The following KCNH5 variants were observed in gnomAD, a reference collection of about 807,000 sequenced individuals.
KCNH5 encodes potassium voltage-gated channel subfamily H member 5.
Under a neutral mutation model 96.1 loss-of-function variants are expected in KCNH5, and 46 were observed. The ratio of observed to expected loss-of-function variants is 0.48; its 90% confidence interval spans 0.38 to 0.61. KCNH5 has a LOEUF of 0.61. Ranked by LOEUF, KCNH5 falls within the 20% of genes least tolerant of loss-of-function variation. The probability of loss-of-function intolerance (pLI) is 0.00; values close to 1 mark genes in which losing one functional copy is unlikely to be tolerated. For synonymous variants in KCNH5, 439 were observed against 449.8 expected (o/e 0.98, Z 0.30); for missense variants, 907 against 1,225.8 (o/e 0.74, Z 3.88).
At chr14:62,735,147 A>G (rs917634850) in intron 10 of KCNH5, among the ~76,000 whole-genome samples, 2 of 152,192 alleles carry the variant, frequency 1.3e-5, no homozygotes, top group Non-Finnish European at 2.9e-5. Context: ...CTTGCAGGAA[A>G]TAAAGCTTAA....
intron 7 of KCNH5, among the ~76,000 whole-genome samples, chr14:62,878,028 A>C (rs1888412114): frequency 6.6e-6 from 1 of 151,998 alleles, no homozygotes; most frequent in Admixed American, 6.6e-5. Context: ...AAAAATGATG[A>C]GTTCATGTCC....
At chr14:62,768,109 T>C (rs1488761754) in intron 10 of KCNH5, among the ~76,000 whole-genome samples, 1 of 152,108 alleles carries the variant, frequency 6.6e-6, no homozygotes, top group African/African-American at 2.4e-5. Flanking sequence ...ACGATCACAA[T>C]GTATATTACT....
chr14:62,728,447 C>A (rs1315309170), intron 10 of KCNH5, among the ~76,000 whole-genome samples: 1 of 151,066 alleles, frequency 6.6e-6, no homozygotes, highest in Non-Finnish European at 1.5e-5. Context: ...ACCTCAGAGG[C>A]TATGTTCTGG....
chr14:62,710,900 C>T (rs1884553309), intron 10 of KCNH5, among the ~76,000 whole-genome samples: 1 of 152,128 alleles, frequency 6.6e-6, no homozygotes, highest in South Asian at 2.1e-4. Flanking sequence ...TTTAATTTTA[C>T]CTGGGAGTCC....
intron 7 of KCNH5, among the ~76,000 whole-genome samples, chr14:62,911,672 A>G (rs1889157436): frequency 6.6e-6 from 1 of 152,098 alleles, no homozygotes; most frequent in Non-Finnish European, 1.5e-5. Flanking sequence ...TTTTGTATAT[A>G]AGAAAAAAAC....
intron 7 of KCNH5, among the ~76,000 whole-genome samples, chr14:62,853,103 C>A (rs1887840444): frequency 6.6e-6 from 1 of 152,160 alleles, no homozygotes; most frequent in Admixed American, 6.5e-5. Context: ...TCAAAAACCT[C>A]AAAGTTATTC....
intron 5 of KCNH5, among the ~76,000 whole-genome samples, chr14:62,986,791 T>C (rs910238666): frequency 6.6e-6 from 1 of 152,190 alleles, no homozygotes; most frequent in Non-Finnish European, 1.5e-5. Context: ...GTTTGCTGCA[T>C]ATATGCATGA....
chr14:62,759,694 T>G (rs1204385012), intron 10 of KCNH5, among the ~76,000 whole-genome samples: 1 of 152,110 alleles, frequency 6.6e-6, no homozygotes, highest in Non-Finnish European at 1.5e-5. Flanking sequence ...TCATCACCAC[T>G]GTTACCAACC....
intron 10 of KCNH5, among the ~76,000 whole-genome samples, chr14:62,758,984 C>T (rs905548219): frequency 2.0e-5 from 3 of 152,172 alleles, no homozygotes; most frequent in African/African-American, 4.8e-5. Flanking sequence ...AGTTCTCTTC[C>T]ATTTGTTTAA....
chr14:63,038,141 A>G lies in KCNH5; in HGVS notation c.73+6973T>C, dbSNP rs112460529. On this transcript the variant is annotated intron_variant, in intron 1 of 10. Transcript: ENST00000322893. ...TGCATTGATTAACTAAATAGTTTAA[A>G]CTATGTAATTACTTATTCAAGCTCA... Among the ~76,000 whole-genome samples, 283 of 152,344 alleles carry G rather than the reference A, an allele frequency of 1.9e-3. 2 individuals carry two copies. Among genetic ancestry groups the G allele is most frequent in the African/African-American group, 6.6e-3 (274 of 41,582 alleles).
chr14:63,028,218 G>GC (rs1891561082), intron 1 of KCNH5, among the ~76,000 whole-genome samples: 1 of 151,750 alleles, frequency 6.6e-6, no homozygotes, highest in Non-Finnish European at 1.5e-5. Flanking sequence ...ACATTACCCT[G>GC]CCCCCATCAT....
chr14:62,730,627 A>T (rs528301796), intron 10 of KCNH5, among the ~76,000 whole-genome samples: 3 of 152,338 alleles, frequency 2.0e-5, no homozygotes, highest in African/African-American at 7.2e-5. Flanking sequence ...CAGAAGCAAG[A>T]AACCTCTTTC....
intron 1 of KCNH5, among the ~76,000 whole-genome samples, chr14:63,026,859 T>G (rs1162654908): frequency 6.6e-6 from 1 of 152,020 alleles, no homozygotes; most frequent in South Asian, 2.1e-4. Flanking sequence ...TCAGTAAATA[T>G]CCAAAGGAAA....
intron 10 of KCNH5, among the ~76,000 whole-genome samples, chr14:62,777,042 C>T (rs1886112014): frequency 6.6e-6 from 1 of 152,108 alleles, no homozygotes; most frequent in Non-Finnish European, 1.5e-5. Context: ...CAATAGCATA[C>T]TAAAGACATA....
In KCNH5 at chr14:62,802,600, G is replaced by T. The variant is rs756953345; in HGVS notation, c.1570-19C>A. 1 of 1,609,012 alleles carries T rather than the reference G, an allele frequency of 6.2e-7. No individual in the cohort carries two copies. The highest frequency in any genetic ancestry group is 8.5e-7 in the Non-Finnish European group (1 of 1,176,494). ...AGAGGACCTAAAGAAGGTGAGAGATGAATAAGTGAAAAGGAAAGAGGAAGG... is the reference window on the plus strand; with the variant it reads ...AGAGGACCTAAAGAAGGTGAGAGATTAATAAGTGAAAAGGAAAGAGGAAGG... On this transcript the variant is annotated intron_variant, in intron 8 of 10. Transcript: ENST00000322893.
intron 8 of KCNH5, among the ~76,000 whole-genome samples, chr14:62,803,057 G>A (rs1886697597): frequency 6.6e-6 from 1 of 152,164 alleles, no homozygotes; most frequent in African/African-American, 2.4e-5. Flanking sequence ...AGGCTGAAGT[G>A]GGAGAATCAC....
Position 62,738,089 on chromosome 14 carries a change from T to A in KCNH5, c.2020-29634A>T, listed in dbSNP as rs149862185. ...CTTGCACTTTGGGGCCATTATTAAA[T>A]AAAATAAAGATCATTTGAACACAAG... is the stretch of plus-strand genomic sequence containing the variant. On this transcript the variant is annotated intron_variant, in intron 10 of 10. Transcript: ENST00000322893. 1.8e-4 allele frequency among the ~76,000 whole-genome samples: 28 copies of A among 152,220 alleles called. No homozygotes were observed. The East Asian group carries it at 5.2e-3, about 28-fold the overall frequency.
At chr14:62,743,456 T>C (rs1885313574) in intron 10 of KCNH5, among the ~76,000 whole-genome samples, 1 of 152,252 alleles carries the variant, frequency 6.6e-6, no homozygotes, top group Non-Finnish European at 1.5e-5. Context: ...TATGAAAGTT[T>C]AACTGAATTA....
intron 7 of KCNH5, among the ~76,000 whole-genome samples, chr14:62,926,522 A>G (rs1043530551): frequency 2.6e-5 from 4 of 152,126 alleles, no homozygotes; most frequent in African/African-American, 9.6e-5. Context: ...CCATAACAAA[A>G]AGACTGAGTG....
Sources: allele counts gnomAD v4.1 joint callset (sites outside exome capture counted in the v4.1 genomes callset), GRCh38; gene constraint gnomAD v4.1.1; transcripts MANE v1.5; gene names NCBI Gene and HGNC (gene_info 2026-07-23, HGNC 2026-07-21).